Variants in ACSM3 observed in about 807,000 individuals in gnomAD.
ACSM3 encodes the protein acyl-CoA synthetase medium chain family member 3.
A neutral mutation model predicts 74.1 loss-of-function variants in ACSM3; 61 were observed. The ratio of observed to expected loss-of-function variants is 0.82; its 90% CI spans 0.67 to 1.02. The LOEUF is 1.02. Ranked by LOEUF, ACSM3 falls within the 50% of genes least tolerant of loss-of-function variation. The probability of loss-of-function intolerance (pLI) is 0.00; values close to 1 mark genes in which losing one functional copy is unlikely to be tolerated. For missense variants in ACSM3, 660 were observed against 697.0 expected (o/e 0.95, Z 0.60); for synonymous variants, 213 against 241.5 (o/e 0.88, Z 1.09).
Position 20,736,641 on chromosome 16 carries a change from C to T in ACSM3, c.-189-13269C>T, listed in dbSNP as rs1262596358. On this transcript the variant is annotated intron_variant, in intron 1 of 3. Transcript: ENST00000561584. The stretch of plus-strand genomic sequence containing the variant: ...GCCTGGGAGAGGCCAACATCCCCCT[C>T]CTATCCTCCCCTCTTTGCAACAGCA... The T allele has an allele frequency of 1.1e-5, 5 of 472,078 alleles. No individual in the cohort carries two copies. In the South Asian group the frequency reaches 1.4e-4, roughly 13 times the overall value. 29.2% of individuals were successfully genotyped at this position (472,078 alleles called of 1,614,324 possible). A position where few individuals can be genotyped will look rare whatever the true frequency, so the allele number is the denominator to read the frequency against.
chr16:20,723,902 A>G (rs553420478), intron 1 of ACSM3, among the ~76,000 whole-genome samples: 2 of 152,274 alleles, frequency 1.3e-5, no homozygotes, highest in Admixed American at 1.3e-4. Context: ...CCATTTGTCA[A>G]TGTTGGCTTT....
chr16:20,734,108 A>G (rs1158096281), intron 1 of ACSM3: 4 of 148,702 alleles, frequency 2.7e-5, no homozygotes, highest in Non-Finnish European at 1.5e-5. Flanking sequence ...CTTACCAAAT[A>G]CAAATAAATA....
At chr16:20,710,499 A>G (rs1005979697) in intron 1 of ACSM3, among the ~76,000 whole-genome samples, 1 of 152,276 alleles carries the variant, frequency 6.6e-6, no homozygotes, top group East Asian at 1.9e-4. Flanking sequence ...AATTTTATTA[A>G]ATTATTAACA....
At chr16:20,718,469 G>A (rs2079773633) in intron 1 of ACSM3, 5 of 463,148 alleles carry the variant, frequency 1.1e-5, no homozygotes, top group Non-Finnish European at 1.8e-5. Flanking sequence ...AGCAGCTTCA[G>A]CATTGGGTTC....
chr16:20,794,536 C>A (rs1212064826), intron 12 of ACSM3, among the ~76,000 whole-genome samples: 2 of 152,096 alleles, frequency 1.3e-5, no homozygotes, highest in African/African-American at 4.8e-5. Flanking sequence ...TAGCAGCTAT[C>A]ATATTGAATG....
intron 1 of ACSM3, among the ~76,000 whole-genome samples, chr16:20,733,243 G>C (rs1406835585): frequency 6.6e-6 from 1 of 152,064 alleles, no homozygotes; most frequent in Non-Finnish European, 1.5e-5. Context: ...TGATTACTTA[G>C]AAAAAGAAAG....
chr16:20,742,928 G>C (rs2152425586), intron 1 of ACSM3, among the ~76,000 whole-genome samples: 1 of 147,280 alleles, frequency 6.8e-6, no homozygotes, highest in South Asian at 2.2e-4. Context: ...CAAAGGTATT[G>C]TATGTTTGTC....
chr16:20,747,322 T>C (rs2079961960), intron 1 of ACSM3, among the ~76,000 whole-genome samples: 1 of 152,240 alleles, frequency 6.6e-6, no homozygotes, highest in Admixed American at 6.5e-5. Context: ...TGTTTTTCCC[T>C]TCTGTACAGC....
chr16:20,741,692 G>C, intron 1 of ACSM3: 1 of 1,580,018 alleles, frequency 6.3e-7, no homozygotes, highest in South Asian at 1.2e-5. Context: ...CCTTGCCTTT[G>C]CGCTTCCCGC....
At chr16:20,696,929 A>G (rs2079692819) in intron 1 of ACSM3, among the ~76,000 whole-genome samples, 1 of 152,184 alleles carries the variant, frequency 6.6e-6, no homozygotes, top group African/African-American at 2.4e-5. Context: ...TCTGAACTTA[A>G]GCGCACAGTA....
chr16:20,682,765 A>G (rs1179680216), intron 1 of ACSM3, among the ~76,000 whole-genome samples: 5 of 152,210 alleles, frequency 3.3e-5, no homozygotes, highest in Non-Finnish European at 5.9e-5. Context: ...TGCTTTACAC[A>G]CATTTACACA....
chr16:20,690,659 A>C (rs1235978349), intron 1 of ACSM3, among the ~76,000 whole-genome samples: 2 of 152,244 alleles, frequency 1.3e-5, no homozygotes, highest in Non-Finnish European at 2.9e-5. Flanking sequence ...CATTCACTGA[A>C]GATGAGAACT....
At position 20,687,036 on chromosome 16, in the gene ACSM3, G is replaced by A. The variant is rs2079566533; in HGVS notation, c.-190+12214G>A. Among the ~76,000 whole-genome samples the A allele has an allele frequency of 2.7e-5, 4 of 147,546 alleles. No individual in the cohort carries two copies. The South Asian group carries it at 8.6e-4, about 32-fold the overall frequency. On this transcript the variant is annotated intron_variant, in intron 1 of 3. Transcript: ENST00000561584. ...CCATCTCTTTCTGGTGTGGTGCGGT[G>A]CAGTCAAGAGGAAGCCCCCCAACTC...
chr16:20,762,338 GA>G (rs765546334), upstream of ACSM3, among the ~76,000 whole-genome samples: 1 of 149,130 alleles, frequency 6.7e-6, no homozygotes, highest in South Asian at 2.1e-4. Context: ...AATAATAGAA[GA>G]AAAAAATCAA....
At chr16:20,717,903 G>GA (rs2079768413) in intron 1 of ACSM3, among the ~76,000 whole-genome samples, 3 of 126,366 alleles carry the variant, frequency 2.4e-5, no homozygotes, top group African/African-American at 7.9e-5. Context: ...AGGAGAAGGA[G>GA]GAAAAAAAGA....
At chr16:20,796,607 A>C (rs2152493847) in intron 13 of ACSM3, 118 bp downstream of exon 13, 2 of 1,543,460 alleles carry the variant, frequency 1.3e-6, no homozygotes, top group East Asian at 4.7e-5. Context: ...CCCAAACTGA[A>C]CTGATGACAT....
At chr16:20,745,114 C>G (rs1013797565) in intron 1 of ACSM3, among the ~76,000 whole-genome samples, 2 of 152,164 alleles carry the variant, frequency 1.3e-5, no homozygotes, top group Non-Finnish European at 2.9e-5. Flanking sequence ...AATAACTCAG[C>G]CTTCATTTAT....
chr16:20,685,819 C>CAAAAAAAAAAAAAAAAAAAA (rs71842093), intron 1 of ACSM3, among the ~76,000 whole-genome samples: 1 of 50,190 alleles, frequency 2.0e-5, no homozygotes, highest in Non-Finnish European at 3.2e-5. Flanking sequence ...GACTCCGTCT[C>CAAAAAAAAAAAAAAAAAAAA]AAAAAAAAAA....
chr16:20,768,365 T>C (rs1430429246), intron 1 of ACSM3, among the ~76,000 whole-genome samples: 1 of 152,212 alleles, frequency 6.6e-6, no homozygotes, highest in Non-Finnish European at 1.5e-5. Flanking sequence ...CTTTTCACAC[T>C]TGAATGTACA....
Sources: gnomAD v4.1 joint callset for allele counts (sites outside exome capture counted in the v4.1 genomes callset) on GRCh38, gnomAD v4.1.1 for gene constraint, MANE v1.5 for transcripts, NCBI Gene and HGNC (gene_info 2026-07-23, HGNC 2026-07-21) for gene names.